The following ABCA7 variants were observed in gnomAD, a reference collection of about 807,000 sequenced individuals.
The protein encoded by ABCA7 is ATP binding cassette subfamily A member 7.
A neutral mutation model predicts 227.6 loss-of-function variants in ABCA7; 261 were observed. The ratio of observed to expected loss-of-function variants is 1.15; its 90% CI spans 1.04 to 1.27. ABCA7 has a LOEUF of 1.27. Among genes scored for constraint, ABCA7 ranks in the 50% most tolerant of loss-of-function variants. ABCA7 has a pLI of 0.00. For missense variants in ABCA7, 3,331 were observed against 2,924.5 expected, an observed-to-expected ratio of 1.14 and a Z score of -3.21; for synonymous variants, 1,488 against 1,279.7, an observed-to-expected ratio of 1.16 and a Z score of -3.47.
intron 16 of ABCA7, 112 bp downstream of exon 16, chr19:1,047,766 G>C: frequency 8.1e-7 from 1 of 1,241,424 alleles, no homozygotes; most frequent in Non-Finnish European, 1.1e-6. Context: ...TATTCCCTTG[G>C]AGAGAAGGCG....
chr19:1,063,329 A>G (rs1347999454), intron 42 of ABCA7, among the ~76,000 whole-genome samples: 1 of 91,398 alleles, frequency 1.1e-5, no homozygotes, highest in Non-Finnish European at 2.3e-5. Flanking sequence ...CACCCACACC[A>G]TGGCCCCGCC....
At position 1,056,162 on chromosome 19, in the gene ABCA7, C is replaced by T. The variant is rs1426091520; in HGVS notation, c.4335C>T (p.Pro1445=). Reference sequence around the variant, plus strand: ...AGGAGTTGTGGGCGCTGCTGAGTCCCCTGCCTGGCGGGGCCCTCGACCGTG... The same window carrying T: ...AGGAGTTGTGGGCGCTGCTGAGTCCTCTGCCTGGCGGGGCCCTCGACCGTG... ...SVEELWALLS[P]LPGGALDRVL... is the part of the protein sequence containing the mutation. The change falls in exon 32 of 47, where the codon CCC becomes CCT. Residue 1445 remains proline (P), a synonymous_variant. Coordinates refer to ENST00000263094, the MANE Select transcript of ABCA7 (RefSeq NM_019112.4). The surrounding 1 kb of genome is among the most constrained non-coding windows in gnomAD (Gnocchi z 4.3). 1.9e-6 allele frequency: 3 copies of T among 1,608,978 alleles called. No individual in the cohort carries two copies. The highest frequency in any genetic ancestry group is 1.7e-5 in the Admixed American group (1 of 59,914).
At chr19:1,050,893 G>A (rs1393541064) in intron 18 of ABCA7, 28 bp from the exon 19 acceptor site, 2 of 1,556,716 alleles carry the variant, frequency 1.3e-6, no homozygotes, top group Non-Finnish European at 1.7e-6. Flanking sequence ...CTGTGAAGGG[G>A]GCTACTCTGA....
chr19:1,058,722 C>A lies in ABCA7; in HGVS notation c.5254C>A (p.Gln1752Lys). Residue 1752 changes from glutamine (Q) to lysine (K), a missense_variant, in exon 38 of 47, where the codon CAG (glutamine) becomes AAG (lysine). Coordinates refer to ENST00000263094, the MANE Select transcript of ABCA7 (RefSeq NM_019112.4). ...CTTCCTTCTCTTCACACTACTGCTGCAGCACCGAAGCCAACTCCTGCCACA... is the reference window on the plus strand; with the variant it reads ...CTTCCTTCTCTTCACACTACTGCTGAAGCACCGAAGCCAACTCCTGCCACA... ...PLFLLFTLLL[Q>K]HRSQLLPQPR... The A allele has an allele frequency of 6.2e-7, 1 of 1,613,940 alleles. No homozygotes were observed. Among genetic ancestry groups the A allele is most frequent in the Non-Finnish European group, 8.5e-7 (1 of 1,179,980 alleles).
At position 1,041,970 on chromosome 19, in the gene ABCA7, C is replaced by G; in HGVS notation, c.300C>G (p.Ser100=). 1 of 1,582,918 alleles carries G rather than the reference C, an allele frequency of 6.3e-7. No individual in the cohort carries two copies. The highest frequency in any genetic ancestry group is 8.5e-7 in the Non-Finnish European group (1 of 1,170,444). The change falls in exon 4 of 47, where the codon TCC becomes TCG. Residue 100 remains serine (S), a splice_region_variant and synonymous_variant. Coordinates refer to ENST00000263094, the MANE Select transcript of ABCA7 (RefSeq NM_019112.4). ...EPGRLSNFND[S]LVSRLLADAR... ...GGCGCCTGAGCAACTTCAACGACTC[C>G]CTGTGAGCCAGAGGCAGTGGGTGCG...
chr19:1,053,400 G>A lies in ABCA7; in HGVS notation c.3292G>A (p.Glu1098Lys), dbSNP rs375797159. 23 of 1,608,282 alleles carry A rather than the reference G, an allele frequency of 1.4e-5. No individual in the cohort carries two copies. In the African/African-American group the frequency reaches 1.9e-4, roughly 13 times the overall value. Residue 1098 changes from glutamate (E) to lysine (K), a missense_variant, in exon 24 of 47, where the codon GAG becomes AAG. Coordinates refer to ENST00000263094, the MANE Select transcript of ABCA7 (RefSeq NM_019112.4). ...ACGGCTGGTGGAGGAGCTGCCACAC[G>A]AGCTGGTGCTGGTGCTGCCCTACAC... ...GARLVEELPH[E>K]LVLVLPYTGA... is the part of the protein sequence containing the mutation.
At position 1,065,152 on chromosome 19, in the gene ABCA7, G is replaced by A. The variant is rs1236501742; in HGVS notation, c.6266G>A (p.Ser2089Asn). ...AEHGVEDFSV[S>N]QTMLEEVFLY... ...CACGGCGTGGAGGACTTTTCCGTGAGCCAGACGATGCTGGAGGAGGTGATC... is the reference window on the plus strand; with the variant it reads ...CACGGCGTGGAGGACTTTTCCGTGAACCAGACGATGCTGGAGGAGGTGATC... The change falls in exon 46 of 47, where the codon AGC (serine) becomes AAC (asparagine). Residue 2089 changes from serine (S) to asparagine (N), a missense_variant. Physicochemically the swap from Ser to Asn is conservative, Grantham distance 46. Coordinates refer to ENST00000263094, the MANE Select transcript of ABCA7 (RefSeq NM_019112.4). 6.3e-7 allele frequency: 1 copy of A among 1,592,296 alleles called. No homozygotes were observed. The highest frequency in any genetic ancestry group is 1.7e-5 in the Admixed American group (1 of 58,334).
rs372838485 is a variant in ABCA7, at chr19:1,056,260, C to T, written c.4416+17C>T. ...AGTCTCAAGGTGGGAACTGGGGGGG[C>T]AGGTGGGCGTCCTGTCACAGCAAGG... On this transcript the variant is annotated intron_variant, in intron 32 of 46. Coordinates refer to ENST00000263094, the MANE Select transcript of ABCA7 (RefSeq NM_019112.4). The surrounding 1 kb of genome is among the most constrained non-coding windows in gnomAD (Gnocchi z 4.3). 2 of 1,588,888 alleles carry T rather than the reference C, an allele frequency of 1.3e-6. No individual in the cohort carries two copies. The highest frequency in any genetic ancestry group is 1.3e-5 in the African/African-American group (1 of 74,670).
intron 11 of ABCA7, 34 bp downstream of exon 11, chr19:1,044,778 G>C (rs1311074057): frequency 6.4e-7 from 1 of 1,565,092 alleles, no homozygotes; most frequent in Admixed American, 1.9e-5. Flanking sequence ...GTCTGTTTCA[G>C]TGGGGAGGGC....
chr19:1,044,483 G>T, intron 10 of ABCA7, 94 bp from the exon 11 acceptor site: 1 of 1,444,118 alleles, frequency 6.9e-7, no homozygotes, highest in East Asian at 2.4e-5. Context: ...CCTGACCTCA[G>T]GTGATCCACC....
Position 1,042,154 on chromosome 19 carries a change from G to C in ABCA7, c.393G>C (p.Thr131=). The C allele has an allele frequency of 1.9e-6, 3 of 1,600,062 alleles. No homozygotes were observed. The highest frequency in any genetic ancestry group is 1.3e-5 in the African/African-American group (1 of 75,020). ...CTGGCCTAGGGAAGCTGATCGCCAC[G>C]CTGAGGGCTGCACGCAGCACGGGTG... is the stretch of plus-strand genomic sequence containing the variant. ...TLAGLGKLIA[T]LRAARSTAQP... is the part of the protein sequence containing the mutation. Residue 131 remains threonine (T), a synonymous_variant, in exon 5 of 47, where the codon ACG becomes ACC. Transcript: ENST00000263094.
intron 24 of ABCA7, 70 bp from the exon 25 acceptor site, chr19:1,053,718 G>C (rs926902772): frequency 6.4e-7 from 1 of 1,562,966 alleles, no homozygotes; most frequent in South Asian, 1.2e-5. Flanking sequence ...TGTAGGAGGG[G>C]TGGGGGGCTC....
At position 1,053,550 on chromosome 19, in the gene ABCA7, G is replaced by A. The variant is rs755503605; in HGVS notation, c.3423+19G>A. The A allele has an allele frequency of 6.4e-7, 1 of 1,552,730 alleles. No individual in the cohort carries two copies. Among genetic ancestry groups the A allele is most frequent in the Non-Finnish European group, 8.7e-7 (1 of 1,154,016 alleles). ...CGAGGAGGTGTGAGGCCTGGGTGGT[G>A]GTGAGGTGGGGCCAGGAGGAGGGCT... On this transcript the variant is annotated intron_variant, in intron 24 of 46. Coordinates refer to ENST00000263094, the MANE Select transcript of ABCA7 (RefSeq NM_019112.4).
In ABCA7 at chr19:1,055,923, T is replaced by C. The variant is rs747581331; in HGVS notation, c.4222T>C (p.Trp1408Arg). ...CTCCCACAGCCTGAAGACTAAGAAG[T>C]GGGTGAATGAGGTCAGGTGAGGAGG... Reference protein sequence around the residue: ...LVRQGLKTKKWVNEVRYGGFS... With the variant: ...LVRQGLKTKKRVNEVRYGGFS... Residue 1408 changes from tryptophan to arginine, a missense_variant, in exon 31 of 47, where the codon TGG becomes CGG. Transcript: ENST00000263094. The C allele has an allele frequency of 6.9e-6, 11 of 1,594,724 alleles. No homozygotes were observed. Among genetic ancestry groups the C allele is most frequent in the Non-Finnish European group, 9.4e-6 (11 of 1,169,574 alleles).
At chr19:1,057,178 G>T in intron 34 of ABCA7, 94 bp downstream of exon 34, 1 of 1,553,548 alleles carries the variant, frequency 6.4e-7, no homozygotes, top group Non-Finnish European at 8.8e-7. Context: ...AAGATGGCCT[G>T]GGTAAAGTCT....
Position 1,056,928 on chromosome 19 carries a change from C to A in ABCA7, c.4608C>A (p.Val1536=). 1 of 1,613,926 alleles carries A rather than the reference C, an allele frequency of 6.2e-7. No homozygotes were observed. The highest frequency in any genetic ancestry group is 8.5e-7 in the Non-Finnish European group (1 of 1,179,870). ...CCAGGATGGCCTCCTCGGTGGACGTCCTCGTCTCCATCTGTGTGGTCTTTG... is the reference window on the plus strand; with the variant it reads ...CCAGGATGGCCTCCTCGGTGGACGTACTCGTCTCCATCTGTGTGGTCTTTG... The part of the protein sequence containing the change: ...EGALMASSVD[V]LVSICVVFAM... The change falls in exon 34 of 47, where the codon GTC becomes GTA. Residue 1536 remains valine (V), a synonymous_variant. Coordinates refer to ENST00000263094, the MANE Select transcript of ABCA7 (RefSeq NM_019112.4). The surrounding 1 kb of genome is among the most constrained non-coding windows in gnomAD (Gnocchi z 4.3).
chr19:1,063,894 G>T, intron 44 of ABCA7, 31 bp downstream of exon 44: 1 of 1,504,252 alleles, frequency 6.6e-7, no homozygotes. Context: ...CTGGGCTGTG[G>T]TTAAGGTGAT....
rs934689154 is a variant in ABCA7 at position 1,056,563 on chromosome 19, T to C, written c.4586+64T>C. ...CTACCCTGCCTCCATTTCTCTGTCG[T>C]TTGGGGTGGTGGGAGCTGGATTTGA... On this transcript the variant is annotated intron_variant, in intron 33 of 46. Transcript: ENST00000263094. This position sits in a 1 kb window ranked among gnomAD's most constrained non-coding sequence, Gnocchi z 4.3. 19 of 1,526,178 alleles carry C rather than the reference T, an allele frequency of 1.2e-5. No homozygotes were observed. The highest frequency in any genetic ancestry group is 1.7e-5 in the Non-Finnish European group (19 of 1,130,636). The allele number at this position is 1,526,178 out of a possible 1,614,324, so 94.5% of individuals were successfully genotyped here.
At position 1,046,323 on chromosome 19, in the gene ABCA7, AGCCGTCCGCGT is replaced by A; in HGVS notation, c.1542_1552del (p.Val515GlnfsTer245). 2 of 1,603,866 alleles carry A rather than the reference AGCCGTCCGCGT, an allele frequency of 1.2e-6. No homozygotes were observed. Among genetic ancestry groups the A allele is most frequent in the South Asian group, 1.1e-5 (1 of 90,994 alleles). ...ACCTGCAAGACCTGGTGGAGCGTGC[AGCCGTCCGCGT>A]GCTCAGCGGCGCCAACCCCCGGGCC... On this transcript the variant is annotated frameshift_variant, in exon 13 of 47. Coordinates refer to ENST00000263094, the MANE Select transcript of ABCA7 (RefSeq NM_019112.4). LOFTEE classifies it high-confidence loss of function.
Sources: gnomAD v4.1 joint callset for allele counts (sites outside exome capture counted in the v4.1 genomes callset) on GRCh38, gnomAD v4.1.1 for gene constraint, Gnocchi (gnomAD v3.1) non-coding constraint, MANE v1.5 for transcripts, NCBI Gene and HGNC (gene_info 2026-07-23, HGNC 2026-07-21) for gene names.